Variants in PRUNE2 observed in about 807,000 individuals in gnomAD.
PRUNE2 encodes the protein protein prune homolog 2.
Under a neutral mutation model 252.0 loss-of-function variants are expected in PRUNE2, and 164 were observed. That is an observed-to-expected ratio of 0.65 (90% CI 0.57 to 0.74). The LOEUF is 0.74. Among genes scored for constraint, PRUNE2 ranks in the 30% least tolerant of loss-of-function variants. The pLI, the probability that PRUNE2 is intolerant of heterozygous loss-of-function variation, is 0.00. For missense variants in PRUNE2, 3,495 were observed against 3,711.0 expected, an observed-to-expected ratio of 0.94 and a Z score of 1.51; for synonymous variants, 1,292 against 1,350.2, an observed-to-expected ratio of 0.96 and a Z score of 0.94.
intron 6 of PRUNE2, among the ~76,000 whole-genome samples, chr9:76,717,602 C>A (rs1410672041): frequency 6.6e-6 from 1 of 152,012 alleles, no homozygotes; most frequent in Non-Finnish European, 1.5e-5. Flanking sequence ...AAATTATATA[C>A]GTGCATACAT....
intron 2 of PRUNE2, among the ~76,000 whole-genome samples, chr9:76,852,590 T>G (rs143344390): frequency 4.5e-4 from 69 of 152,322 alleles, no homozygotes; most frequent in African/African-American, 1.4e-3. Context: ...ATGTTCATAC[T>G]CTGAGAGGGA....
rs2046344962 is a variant in PRUNE2 at position 76,706,779 on chromosome 9, G to A, written c.5495C>T (p.Ala1832Val). 1 of 1,610,590 alleles carries A rather than the reference G, an allele frequency of 6.2e-7. No homozygotes were observed. Among genetic ancestry groups the A allele is most frequent in the Non-Finnish European group, 8.5e-7 (1 of 1,178,312 alleles). ...AATTAGTCTCCCTTCCTGGGGTGAG[G>A]CCTTCCACCACTCAGTGCTATCAGC... ...FSADSTEWWKASPQEGRLIES... is the reference protein window; with the variant it reads ...FSADSTEWWKVSPQEGRLIES... Residue 1832 changes from alanine to valine, a missense_variant, in exon 8 of 19, where the codon GCC becomes GTC. Ala to Val is a moderately conservative substitution (Grantham distance 64). Transcript: ENST00000376718.
At chr9:76,814,884 T>C (rs10124357) in intron 6 of PRUNE2, among the ~76,000 whole-genome samples, 71,125 of 152,028 alleles carry the variant, frequency 0.47, 16,730 homozygotes, top group Middle Eastern at 0.52. Flanking sequence ...TCACTACGAG[T>C]CAACCGTATT....
chr9:76,626,726 T>G (rs900279452), intron 16 of PRUNE2, among the ~76,000 whole-genome samples: 2 of 152,192 alleles, frequency 1.3e-5, no homozygotes, highest in African/African-American at 4.8e-5. Flanking sequence ...ATAAATAAGA[T>G]TCTGGATTGC....
chr9:76,826,787 G>A (rs918737416), intron 4 of PRUNE2, 55 bp from the exon 5 acceptor site: 1 of 1,406,116 alleles, frequency 7.1e-7, no homozygotes, highest in Non-Finnish European at 9.6e-7. Flanking sequence ...CCAGAACAGG[G>A]GCCAAGAAAA....
chr9:76,858,836 G>T (rs2060401446), intron 1 of PRUNE2, among the ~76,000 whole-genome samples: 1 of 151,938 alleles, frequency 6.6e-6, no homozygotes, highest in Non-Finnish European at 1.5e-5. Flanking sequence ...TGGGACTAAA[G>T]GGTGTCTCAG....
At chr9:76,855,082 A>AT (rs1554811430) in intron 1 of PRUNE2, among the ~76,000 whole-genome samples, 3,900 of 108,808 alleles carry the variant, frequency 0.036, 88 homozygotes, top group East Asian at 0.099. Flanking sequence ...AAAAAAAAAA[A>AT]ATATATATAT....
intron 4 of PRUNE2, among the ~76,000 whole-genome samples, chr9:76,840,851 G>A (rs1170273863): frequency 6.6e-6 from 1 of 152,090 alleles, no homozygotes; most frequent in Non-Finnish European, 1.5e-5. Context: ...CTTTGTGGCA[G>A]GCACCTGTAA....
intron 6 of PRUNE2, among the ~76,000 whole-genome samples, chr9:76,754,494 C>T (rs556325675): frequency 2.0e-5 from 3 of 152,154 alleles, no homozygotes; most frequent in Admixed American, 6.5e-5. Flanking sequence ...GGAGTGCCTT[C>T]GGGTGGTTCT....
chr9:76,664,279 T>C (rs2133716756), intron 9 of PRUNE2, among the ~76,000 whole-genome samples: 2 of 152,274 alleles, frequency 1.3e-5, no homozygotes, highest in South Asian at 4.1e-4. Context: ...GGAGAGTCCA[T>C]GTGGCAAGGA....
chr9:76,625,174 G>T, intron 16 of PRUNE2: 1 of 569,306 alleles, frequency 1.8e-6, no homozygotes, highest in Non-Finnish European at 2.9e-6. Context: ...TCCAGATACA[G>T]TCATGCACCA....
intron 1 of PRUNE2, among the ~76,000 whole-genome samples, chr9:76,870,026 A>G (rs1192932582): frequency 6.6e-6 from 1 of 152,228 alleles, no homozygotes; most frequent in Non-Finnish European, 1.5e-5. Flanking sequence ...TAAATAAGTC[A>G]GCCACATTAA....
At chr9:76,799,420 T>C (rs1444743419) in intron 6 of PRUNE2, among the ~76,000 whole-genome samples, 3 of 152,082 alleles carry the variant, frequency 2.0e-5, no homozygotes, top group Non-Finnish European at 1.5e-5. Flanking sequence ...CAAATCTTGA[T>C]CAATATGTAA....
intron 6 of PRUNE2, among the ~76,000 whole-genome samples, chr9:76,793,975 G>C (rs1287404727): frequency 6.6e-6 from 1 of 152,144 alleles, no homozygotes; most frequent in Non-Finnish European, 1.5e-5. Context: ...TACCCAGTAA[G>C]GGCTTGGGCA....
At chr9:76,658,122 G>T (rs1161505410) in intron 9 of PRUNE2, among the ~76,000 whole-genome samples, 1 of 152,250 alleles carries the variant, frequency 6.6e-6, no homozygotes, top group Non-Finnish European at 1.5e-5. Flanking sequence ...ACTTTGGGAG[G>T]CTGAGGCGGG....
At chr9:76,855,494 A>G (rs1304363905) in intron 1 of PRUNE2, among the ~76,000 whole-genome samples, 1 of 152,176 alleles carries the variant, frequency 6.6e-6, no homozygotes, top group East Asian at 1.9e-4. Flanking sequence ...TATCTACTAC[A>G]TATTTTACAA....
intron 18 of PRUNE2, among the ~76,000 whole-genome samples, chr9:76,618,897 C>A (rs1354762915): frequency 6.6e-6 from 1 of 152,194 alleles, no homozygotes; most frequent in Non-Finnish European, 1.5e-5. Flanking sequence ...CTAAATAGAT[C>A]ATTCCTACAG....
In PRUNE2 at chr9:76,709,888, G is replaced by A; in HGVS notation, c.2386C>T (p.Pro796Ser). The A allele has an allele frequency of 1.2e-6, 2 of 1,613,870 alleles. No homozygotes were observed. The highest frequency in any genetic ancestry group is 1.7e-6 in the Non-Finnish European group (2 of 1,179,874). The change falls in exon 8 of 19, where the codon CCA becomes TCA. Residue 796 changes from proline (P) to serine (S), a missense_variant. Coordinates refer to ENST00000376718, the MANE Select transcript of PRUNE2 (RefSeq NM_015225.3). The stretch of plus-strand genomic sequence containing the variant: ...CCAAATGCACTCCAGGCTGGGAATG[G>A]CGCCACAGCTGCTGGTTCACCATCA... ...TDDGEPAAVAPFPAWSAFGKE... is the reference protein window; with the variant it reads ...TDDGEPAAVASFPAWSAFGKE...
In PRUNE2 at chr9:76,826,610, C is replaced by A; in HGVS notation, c.631G>T (p.Val211Phe). Residue 211 changes from valine to phenylalanine, a missense_variant, in exon 5 of 19, where the codon GTC (valine) becomes TTC (phenylalanine). Physicochemically the swap from Val to Phe is conservative, Grantham distance 50. Transcript: ENST00000376718. ...NLPPREDIINVLQETQFSAQG... is the reference protein window; with the variant it reads ...NLPPREDIINFLQETQFSAQG... Reference sequence around the variant, plus strand: ...GCACTGAACTGGGTCTCCTGTAGGACGTTGATGATGTCCTCTCTTGGAGGC... The same window carrying A: ...GCACTGAACTGGGTCTCCTGTAGGAAGTTGATGATGTCCTCTCTTGGAGGC... The A allele has an allele frequency of 6.2e-7, 1 of 1,610,292 alleles. No homozygotes were observed. Among genetic ancestry groups the A allele is most frequent in the Non-Finnish European group, 8.5e-7 (1 of 1,177,928 alleles).
Sources: allele counts gnomAD v4.1 joint callset (sites outside exome capture counted in the v4.1 genomes callset), GRCh38; gene constraint gnomAD v4.1.1; transcripts MANE v1.5; gene names NCBI Gene and HGNC (gene_info 2026-07-23, HGNC 2026-07-21).